The following ELMO1 variants were observed in gnomAD, a reference collection of about 807,000 sequenced individuals.
ELMO1 encodes the protein engulfment and cell motility protein 1.
Under a neutral mutation model 98.9 loss-of-function variants are expected in ELMO1, and 26 were observed. The ratio of observed to expected loss-of-function variants is 0.26; its 90% confidence interval spans 0.19 to 0.36. The LOEUF (loss-of-function observed/expected upper bound fraction) is 0.36. Among genes scored for constraint, ELMO1 ranks in the 10% least tolerant of loss-of-function variants. The pLI is 1.00. For synonymous variants in ELMO1, 346 were observed against 346.0 expected (o/e 1.00, Z 0.00); for missense variants, 627 against 935.2 (o/e 0.67, Z 4.30).
chr7:36,859,258 A>G (rs567037691), intron 21 of ELMO1, among the ~76,000 whole-genome samples: 2 of 152,360 alleles, frequency 1.3e-5, no homozygotes, highest in South Asian at 2.1e-4. Flanking sequence ...CTGACTGCAC[A>G]TGGTTTAATA....
intron 1 of ELMO1, among the ~76,000 whole-genome samples, chr7:37,382,672 C>G (rs1017019850): frequency 6.6e-6 from 1 of 152,132 alleles, no homozygotes; most frequent in Non-Finnish European, 1.5e-5. Flanking sequence ...GTATTCCCCA[C>G]GTATTTACTT....
At chr7:37,115,141 A>G (rs1785501142) in intron 14 of ELMO1, among the ~76,000 whole-genome samples, 1 of 152,222 alleles carries the variant, frequency 6.6e-6, no homozygotes, top group Admixed American at 6.5e-5. Context: ...TCAGGCCTGG[A>G]TGGTTTCATT....
At chr7:37,117,175 G>A (rs1785657393) in intron 14 of ELMO1, 4 of 191,868 alleles carry the variant, frequency 2.1e-5, no homozygotes, top group Admixed American at 5.0e-5. Context: ...AAAACACCAC[G>A]TGGAGCTGTT....
chr7:37,237,401 T>C (rs1198807579), intron 7 of ELMO1, among the ~76,000 whole-genome samples: 1 of 152,154 alleles, frequency 6.6e-6, no homozygotes, highest in Non-Finnish European at 1.5e-5. Context: ...GCGATTCTCC[T>C]GCCTCAGCCT....
intron 1 of ELMO1, among the ~76,000 whole-genome samples, chr7:37,406,512 C>T (rs1803771375): frequency 1.3e-5 from 2 of 152,050 alleles, no homozygotes; most frequent in African/African-American, 4.8e-5. Context: ...TCACTGCAAG[C>T]TCCGCCTCCC....
intron 15 of ELMO1, among the ~76,000 whole-genome samples, chr7:37,075,218 C>A (rs1218673860): frequency 6.6e-6 from 1 of 151,060 alleles, no homozygotes; most frequent in Non-Finnish European, 1.5e-5. Flanking sequence ...ACGATCTCTG[C>A]TCACTGCAAG....
At chr7:36,893,804 G>A (rs1805760684) in intron 17 of ELMO1, among the ~76,000 whole-genome samples, 1 of 152,170 alleles carries the variant, frequency 6.6e-6, no homozygotes, top group African/African-American at 2.4e-5. Flanking sequence ...TTGCATGGGA[G>A]TAAGGCCTGC....
At chr7:37,379,223 G>A (rs932174718) in intron 1 of ELMO1, among the ~76,000 whole-genome samples, 12 of 152,024 alleles carry the variant, frequency 7.9e-5, no homozygotes, top group African/African-American at 2.4e-4. Context: ...TGTATTTTCA[G>A]TAGAGACGGG....
chr7:36,970,383 A>C (rs1202506489), intron 16 of ELMO1, among the ~76,000 whole-genome samples: 1 of 152,224 alleles, frequency 6.6e-6, no homozygotes, highest in Non-Finnish European at 1.5e-5. Flanking sequence ...AGCAGACATG[A>C]TAACCTGGTT....
chr7:37,213,601 G>T, intron 11 of ELMO1, 144 bp from the exon 12 acceptor site: 1 of 737,012 alleles, frequency 1.4e-6, no homozygotes, highest in Non-Finnish European at 2.1e-6. Flanking sequence ...GAATTTCAGA[G>T]CTTTCCTTTG....
At chr7:37,032,613 C>T (rs1794941281) in intron 15 of ELMO1, among the ~76,000 whole-genome samples, 1 of 152,164 alleles carries the variant, frequency 6.6e-6, no homozygotes, top group African/African-American at 2.4e-5. Context: ...AGGAGAGAGA[C>T]ATTCTCCAAA....
chr7:37,035,828 T>C (rs1477096340), intron 15 of ELMO1, among the ~76,000 whole-genome samples: 7 of 152,226 alleles, frequency 4.6e-5, no homozygotes, highest in African/African-American at 1.4e-4. Flanking sequence ...TACCATCACA[T>C]GGTGTGTTAA....
At chr7:36,864,911 C>T (rs1802913155) in intron 20 of ELMO1, among the ~76,000 whole-genome samples, 1 of 152,186 alleles carries the variant, frequency 6.6e-6, no homozygotes, top group African/African-American at 2.4e-5. Context: ...AAGCCTGAGT[C>T]CTAGGGAGAG....
At chr7:37,226,687 T>A (rs1012429744) in intron 8 of ELMO1, among the ~76,000 whole-genome samples, 2 of 152,186 alleles carry the variant, frequency 1.3e-5, no homozygotes, top group Non-Finnish European at 2.9e-5. Context: ...CTCTATTTAT[T>A]AAATTTGGAT....
intron 2 of ELMO1, among the ~76,000 whole-genome samples, chr7:37,340,080 T>C (rs1800634342): frequency 6.6e-6 from 1 of 152,150 alleles, no homozygotes; most frequent in Non-Finnish European, 1.5e-5. Context: ...ATAAACATAG[T>C]ACATGATCCT....
At chr7:37,286,828 G>T (rs2130929166) in intron 4 of ELMO1, among the ~76,000 whole-genome samples, 1 of 152,246 alleles carries the variant, frequency 6.6e-6, no homozygotes, top group East Asian at 1.9e-4. Flanking sequence ...CTTCTTTTCA[G>T]AATGTTTTTA....
chr7:37,130,318 T>G (rs185161614), intron 14 of ELMO1, among the ~76,000 whole-genome samples: 35 of 152,230 alleles, frequency 2.3e-4, no homozygotes, highest in African/African-American at 7.2e-4. Flanking sequence ...TGGCTGGGCA[T>G]TTGATGGTTA....
At chr7:37,425,566 C>T (rs1804662263) in intron 1 of ELMO1, among the ~76,000 whole-genome samples, 1 of 152,218 alleles carries the variant, frequency 6.6e-6, no homozygotes, top group African/African-American at 2.4e-5. Context: ...CACTGGATGT[C>T]TATCCGTTGA....
chr7:37,384,854 C>T (rs117367383), intron 1 of ELMO1, among the ~76,000 whole-genome samples: 1,539 of 152,256 alleles, frequency 0.01, 9 homozygotes, highest in Non-Finnish European at 0.015. Context: ...ATAAAACTAG[C>T]AACGGTTGTA....
Sources: allele counts gnomAD v4.1 joint callset (sites outside exome capture counted in the v4.1 genomes callset), GRCh38; gene constraint gnomAD v4.1.1; transcripts MANE v1.5; gene names NCBI Gene and HGNC (gene_info 2026-07-23, HGNC 2026-07-21).